The following WDR70 variants were observed in gnomAD, a reference collection of about 807,000 sequenced individuals.
WDR70 encodes the protein WD repeat domain 70.
A neutral mutation model predicts 88.6 loss-of-function variants in WDR70; 53 were observed. That is an observed-to-expected ratio of 0.60 (90% CI 0.48 to 0.75). The LOEUF is 0.75. Ranked by LOEUF, WDR70 falls within the 30% of genes least tolerant of loss-of-function variation. WDR70 has a pLI of 0.00. For synonymous variants in WDR70, 280 were observed against 270.0 expected (o/e 1.04, Z -0.36); for missense variants, 610 against 823.2 (o/e 0.74, Z 3.17).
Position 37,438,949 on chromosome 5 carries a change from A to C in WDR70, c.552+968A>C, listed in dbSNP as rs1268301689. On this transcript the variant is annotated intron_variant, in intron 6 of 17. Transcript: ENST00000265107. ...TGTTTTGTTTTTGAGACAGAGTCTC[A>C]CTCTGTCACCTAGGCTGGAGTGCAG... Among the ~76,000 whole-genome samples the C allele has an allele frequency of 1.0e-4, 15 of 148,140 alleles. No homozygotes were observed. In the Admixed American group the frequency reaches 1.0e-3, roughly 10 times the overall value.
chr5:37,688,542 T>G (rs2112631369), intron 10 of WDR70, among the ~76,000 whole-genome samples: 1 of 152,174 alleles, frequency 6.6e-6, no homozygotes, highest in South Asian at 2.1e-4. Context: ...TTATAAGATC[T>G]TCCAAAAGTT....
At chr5:37,430,445 G>A (rs771480593) in intron 5 of WDR70, among the ~76,000 whole-genome samples, 7 of 152,194 alleles carry the variant, frequency 4.6e-5, no homozygotes, top group Non-Finnish European at 1.0e-4. Flanking sequence ...TAATGGTAAA[G>A]AAAATGAAAG....
chr5:37,714,346 G>A (rs1465078316), intron 13 of WDR70, among the ~76,000 whole-genome samples: 1 of 152,142 alleles, frequency 6.6e-6, no homozygotes, highest in Non-Finnish European at 1.5e-5. Context: ...AAATGTAAAG[G>A]AGCCCAGGTC....
intron 10 of WDR70, among the ~76,000 whole-genome samples, chr5:37,681,029 A>T (rs1310879744): frequency 6.6e-6 from 1 of 152,214 alleles, no homozygotes; most frequent in African/African-American, 2.4e-5. Flanking sequence ...TGCTTTGGGC[A>T]GTATGGCCAT....
At chr5:37,381,712 T>A (rs748113767) in intron 3 of WDR70, 27 bp downstream of exon 3, 1 of 1,599,792 alleles carries the variant, frequency 6.3e-7, no homozygotes, top group Non-Finnish European at 8.5e-7. Flanking sequence ...TTTGTTCTTT[T>A]ATTGGTTTAA....
At chr5:37,481,595 A>AC in intron 8 of WDR70, among the ~76,000 whole-genome samples, 1 of 152,072 alleles carries the variant, frequency 6.6e-6, no homozygotes, top group Non-Finnish European at 1.5e-5. Context: ...GGGGTTCTGG[A>AC]CCCACAAAAC....
intron 10 of WDR70, among the ~76,000 whole-genome samples, chr5:37,671,620 A>G (rs1376568588): frequency 6.6e-6 from 1 of 152,070 alleles, no homozygotes; most frequent in Non-Finnish European, 1.5e-5. Context: ...CTTACCTTTG[A>G]AATAGTTTTT....
chr5:37,504,838 C>T (rs1174024319), intron 8 of WDR70, among the ~76,000 whole-genome samples: 12 of 152,166 alleles, frequency 7.9e-5, no homozygotes, highest in African/African-American at 2.9e-4. Flanking sequence ...CTGTAGAATT[C>T]AGAACCCATT....
intron 5 of WDR70, among the ~76,000 whole-genome samples, chr5:37,420,539 A>G (rs1749913659): frequency 6.6e-6 from 1 of 152,148 alleles, no homozygotes; most frequent in Non-Finnish European, 1.5e-5. Flanking sequence ...TCCTGGGCTT[A>G]AGTGATCTTT....
intron 17 of WDR70, among the ~76,000 whole-genome samples, chr5:37,728,312 C>T (rs1162196368): frequency 4.8e-5 from 7 of 145,944 alleles, no homozygotes; most frequent in Non-Finnish European, 7.4e-5. Context: ...CACACCACTG[C>T]ACTCTAACCT....
At chr5:37,476,797 C>T (rs1229297245) in intron 7 of WDR70, among the ~76,000 whole-genome samples, 3 of 152,190 alleles carry the variant, frequency 2.0e-5, no homozygotes, top group Admixed American at 6.5e-5. Flanking sequence ...ATCCACCTGC[C>T]TTGGCCTCCC....
chr5:37,381,643 C>G lies in WDR70; in HGVS notation c.133C>G (p.Gln45Glu). 3 of 1,612,176 alleles carry G rather than the reference C, an allele frequency of 1.9e-6. No individual in the cohort carries two copies. The highest frequency in any genetic ancestry group is 1.1e-5 in the South Asian group (1 of 91,052). ...ATTTGACTTGGAAGCAATGTTTGAA[C>G]AAACTCGAAGGACAGCTGTGGAAAG... ...RTFDLEAMFEQTRRTAVERSR... is the reference protein window; with the variant it reads ...RTFDLEAMFEETRRTAVERSR... The change falls in exon 3 of 18, where the codon CAA (glutamine) becomes GAA (glutamate). Residue 45 changes from glutamine to glutamate, a missense_variant. This residue lies in a region of WDR70 where 203 missense variants were observed against 228.1 expected (regional missense o/e 0.89). Coordinates refer to ENST00000265107, the MANE Select transcript of WDR70 (RefSeq NM_018034.4).
chr5:37,532,386 G>T (rs1741521298), intron 9 of WDR70, among the ~76,000 whole-genome samples: 1 of 152,076 alleles, frequency 6.6e-6, no homozygotes, highest in Admixed American at 6.6e-5. Context: ...TCTTCCTTAG[G>T]AACACCAATT....
At chr5:37,685,383 G>C (rs1238357820) in intron 10 of WDR70, among the ~76,000 whole-genome samples, 1 of 152,060 alleles carries the variant, frequency 6.6e-6, no homozygotes, top group African/African-American at 2.4e-5. Flanking sequence ...CATGGCCACA[G>C]GGGGCTGCCC....
At chr5:37,449,606 A>AT (rs1159763331) in intron 7 of WDR70, among the ~76,000 whole-genome samples, 2 of 49,174 alleles carry the variant, frequency 4.1e-5, no homozygotes, top group African/African-American at 1.0e-4. Flanking sequence ...AAAAAAAATA[A>AT]AAAATAAAAA....
intron 5 of WDR70, among the ~76,000 whole-genome samples, chr5:37,430,416 A>G (rs1404054078): frequency 1.3e-5 from 2 of 152,238 alleles, no homozygotes; most frequent in Non-Finnish European, 2.9e-5. Context: ...AGAATTGGAC[A>G]TGAGGGTAAA....
chr5:37,480,104 T>A, intron 8 of WDR70, 117 bp downstream of exon 8: 1 of 1,269,164 alleles, frequency 7.9e-7, no homozygotes, highest in Non-Finnish European at 1.1e-6. Context: ...AATAGCAATT[T>A]ATTTGTTCTC....
intron 9 of WDR70, among the ~76,000 whole-genome samples, chr5:37,525,379 T>A (rs915709829): frequency 6.6e-6 from 1 of 152,134 alleles, no homozygotes; most frequent in Non-Finnish European, 1.5e-5. Context: ...CTGAATGACT[T>A]CTGGGTACAT....
At chr5:37,719,987 C>T (rs974032905) in intron 13 of WDR70, among the ~76,000 whole-genome samples, 4 of 151,860 alleles carry the variant, frequency 2.6e-5, no homozygotes, top group African/African-American at 7.3e-5. Context: ...GGACTACAGG[C>T]GCGTGCCACC....
Sources: gnomAD v4.1 joint callset for allele counts (sites outside exome capture counted in the v4.1 genomes callset) on GRCh38, gnomAD v4.1.1 for gene constraint, gnomAD v4.1.1 regional missense constraint, MANE v1.5 for transcripts, NCBI Gene and HGNC (gene_info 2026-07-23, HGNC 2026-07-21) for gene names.